NLGN1: variants seen among roughly 807,000 people sequenced by gnomAD.
NLGN1 encodes neuroligin 1.
In NLGN1, 12 loss-of-function variants were observed where a neutral mutation model predicts 65.5. That is an observed-to-expected ratio of 0.18 (90% CI 0.12 to 0.30). The LOEUF is 0.30. Ranked by LOEUF, NLGN1 falls within the 10% of genes least tolerant of loss-of-function variation. The pLI, the probability that NLGN1 is intolerant of heterozygous loss-of-function variation, is 1.00. For synonymous variants in NLGN1, 350 were observed against 359.5 expected (o/e 0.97, Z 0.30); for missense variants, 750 against 1,007.1 (o/e 0.74, Z 3.46).
At chr3:174,207,974 A>T (rs1735742231) in intron 4 of NLGN1, among the ~76,000 whole-genome samples, 1 of 152,212 alleles carries the variant, frequency 6.6e-6, no homozygotes, top group Admixed American at 6.5e-5. Context: ...TTCTTTGAAT[A>T]CTGCCTGTAT....
rs190008376 is a variant in NLGN1, at chr3:173,594,898, C to T, written c.-320-9381C>T. 3.1e-3 allele frequency among the ~76,000 whole-genome samples: 472 copies of T among 152,286 alleles called. 2 individuals carry two copies. The highest frequency in any genetic ancestry group is 0.011 in the African/African-American group (454 of 41,554). ...CATAGGCTGAGCTGTACCTTGGCCC[C>T]TTTTAGTCACGGCTGGAGCAGCTGG... On this transcript the variant is annotated intron_variant, in intron 2 of 6. Transcript: ENST00000457714.
chr3:173,890,712 G>GT (rs1421761707), intron 4 of NLGN1, among the ~76,000 whole-genome samples: 1 of 152,100 alleles, frequency 6.6e-6, no homozygotes, highest in Non-Finnish European at 1.5e-5. Flanking sequence ...TGACGAAAAG[G>GT]TTTACCTCCT....
chr3:173,998,583 T>G (rs1437812628), intron 4 of NLGN1, among the ~76,000 whole-genome samples: 1 of 152,236 alleles, frequency 6.6e-6, no homozygotes, highest in African/African-American at 2.4e-5. Flanking sequence ...GGAATTTAAT[T>G]GCCTAGAATT....
chr3:174,164,642 C>A (rs974521647), intron 4 of NLGN1, among the ~76,000 whole-genome samples: 7 of 151,994 alleles, frequency 4.6e-5, no homozygotes, highest in Admixed American at 6.6e-5. Flanking sequence ...TTGTTTTTGT[C>A]AACTTTGTCG....
At chr3:173,446,203 T>C (rs1367706173) in intron 2 of NLGN1, among the ~76,000 whole-genome samples, 7 of 144,360 alleles carry the variant, frequency 4.8e-5, no homozygotes, top group African/African-American at 1.8e-4. Flanking sequence ...CTCCTAATGC[T>C]ATCCCTCCCC....
At chr3:173,562,783 C>A (rs1432524061) in intron 2 of NLGN1, among the ~76,000 whole-genome samples, 1 of 152,144 alleles carries the variant, frequency 6.6e-6, no homozygotes, top group Non-Finnish European at 1.5e-5. Flanking sequence ...ATACTCACTC[C>A]TTTGGTTTTC....
At chr3:174,290,085 T>A (rs181660766), downstream of NLGN1, among the ~76,000 whole-genome samples, 2,573 of 150,424 alleles carry the variant, frequency 0.017, 25 homozygotes, top group Admixed American at 0.025. Context: ...AAGTTTCAAA[T>A]TTCTCCTTAA....
chr3:174,138,912 T>A (rs1401550183), intron 4 of NLGN1, among the ~76,000 whole-genome samples: 1 of 152,214 alleles, frequency 6.6e-6, no homozygotes, highest in Non-Finnish European at 1.5e-5. Context: ...ATTATCTGGT[T>A]TAATTAAGTT....
chr3:173,687,035 G>A (rs574565621), intron 3 of NLGN1, among the ~76,000 whole-genome samples: 1 of 152,278 alleles, frequency 6.6e-6, no homozygotes, highest in East Asian at 1.9e-4. Context: ...TCCAGGAGGA[G>A]TGGTTACTGT....
At chr3:173,524,405 C>T (rs568315720) in intron 2 of NLGN1, among the ~76,000 whole-genome samples, 4 of 152,262 alleles carry the variant, frequency 2.6e-5, no homozygotes, top group African/African-American at 7.2e-5. Context: ...GATTCTTGTA[C>T]ATAGATTTTG....
chr3:173,541,741 A>G (rs2149232121), intron 2 of NLGN1, among the ~76,000 whole-genome samples: 1 of 152,220 alleles, frequency 6.6e-6, no homozygotes, highest in South Asian at 2.1e-4. Flanking sequence ...TTACTTCAAA[A>G]GTTTTGTCTT....
intron 2 of NLGN1, among the ~76,000 whole-genome samples, chr3:173,460,950 A>G (rs1344164706): frequency 6.6e-6 from 1 of 152,114 alleles, no homozygotes; most frequent in Non-Finnish European, 1.5e-5. Flanking sequence ...TGCATGGGTG[A>G]GATTGAAAGA....
chr3:173,542,876 C>A (rs142584025), intron 2 of NLGN1, among the ~76,000 whole-genome samples: 1 of 152,064 alleles, frequency 6.6e-6, no homozygotes, highest in Non-Finnish European at 1.5e-5. Flanking sequence ...AACTATAGAA[C>A]GTATCCTTTT....
chr3:174,289,953 G>A (rs999292720), downstream of NLGN1, among the ~76,000 whole-genome samples: 3 of 89,854 alleles, frequency 3.3e-5, no homozygotes, highest in South Asian at 3.1e-4. Context: ...GTATATATAT[G>A]TGTATATATA....
intron 4 of NLGN1, among the ~76,000 whole-genome samples, chr3:174,069,600 C>CAG (rs140810497): frequency 0.033 from 4,955 of 152,262 alleles, 116 homozygotes; most frequent in African/African-American, 0.057. Context: ...GAAGGAAAAA[C>CAG]AGCACACTTG....
At chr3:173,947,464 G>A (rs915187284) in intron 4 of NLGN1, among the ~76,000 whole-genome samples, 4 of 152,094 alleles carry the variant, frequency 2.6e-5, no homozygotes, top group Admixed American at 2.6e-4. Context: ...GTATTATGAA[G>A]CTATATATAA....
At chr3:174,080,068 G>A (rs1741827115) in intron 4 of NLGN1, among the ~76,000 whole-genome samples, 1 of 151,790 alleles carries the variant, frequency 6.6e-6, no homozygotes, top group Non-Finnish European at 1.5e-5. Context: ...GATAAACAAT[G>A]GAAAAAAAAC....
At position 173,731,159 on chromosome 3, in the gene NLGN1, T is replaced by C. The variant is rs140535685; in HGVS notation, c.494-76521T>C. Among the ~76,000 whole-genome samples, 61 of 148,074 alleles carry C rather than the reference T, an allele frequency of 4.1e-4. 1 individual carries two copies. The highest frequency in any genetic ancestry group is 1.4e-3 in the African/African-American group (56 of 41,196). On this transcript the variant is annotated intron_variant, in intron 3 of 6. Coordinates refer to ENST00000457714, the Ensembl canonical transcript of NLGN1. ...AAATTTAGTACTATTTTATGCATAA[T>C]GTAAGTTGTGTTATTACCAGATTTT... is the stretch of plus-strand genomic sequence containing the variant.
At chr3:173,770,235 C>T (rs1027542526) in intron 3 of NLGN1, among the ~76,000 whole-genome samples, 1 of 152,124 alleles carries the variant, frequency 6.6e-6, no homozygotes, top group African/African-American at 2.4e-5. Flanking sequence ...GCTGGCTGCT[C>T]CTCAGGCCTT....
Sources: gnomAD v4.1 joint callset for allele counts (sites outside exome capture counted in the v4.1 genomes callset) on GRCh38, gnomAD v4.1.1 for gene constraint, MANE v1.5 for transcripts, NCBI Gene and HGNC (gene_info 2026-07-23, HGNC 2026-07-21) for gene names.